The following STK24 variants were observed in gnomAD, a reference collection of about 807,000 sequenced individuals.
The protein encoded by STK24 is serine/threonine-protein kinase 24.
In STK24, 21 loss-of-function variants were observed where a neutral mutation model predicts 55.6. The observed-to-expected ratio is 0.38, with a 90% CI of 0.27 to 0.54. The LOEUF is 0.54. Among genes scored for constraint, STK24 ranks in the 20% least tolerant of loss-of-function variants. The probability of loss-of-function intolerance (pLI) is 0.79; values close to 1 mark genes in which losing one functional copy is unlikely to be tolerated. For synonymous variants in STK24, 200 were observed against 215.2 expected (o/e 0.93, Z 0.62); for missense variants, 383 against 538.4 (o/e 0.71, Z 2.86).
At chr13:98,554,740 C>A (rs1175583770) in intron 1 of STK24, among the ~76,000 whole-genome samples, 1 of 152,158 alleles carries the variant, frequency 6.6e-6, no homozygotes. Context: ...TTAGGCCAGG[C>A]GCGGTGGCTC....
intron 3 of STK24, among the ~76,000 whole-genome samples, chr13:98,481,853 G>C (rs1894594393): frequency 6.6e-6 from 1 of 152,118 alleles, no homozygotes; most frequent in Non-Finnish European, 1.5e-5. Context: ...TTTGAGACCA[G>C]CTTGGCCAAC....
At chr13:98,555,522 TGAGCC>T (rs1897265641) in intron 1 of STK24, among the ~76,000 whole-genome samples, 1 of 150,950 alleles carries the variant, frequency 6.6e-6, no homozygotes, top group Non-Finnish European at 1.5e-5. Flanking sequence ...GAGCTTGCAG[TGAGCC>T]GAGATCGCAC....
intron 1 of STK24, among the ~76,000 whole-genome samples, chr13:98,546,667 C>T (rs1107379): frequency 0.26 from 39,347 of 152,070 alleles, 6,012 homozygotes; most frequent in East Asian, 0.42. Flanking sequence ...ACCCTACAAA[C>T]GCAGGTGGGG....
intron 2 of STK24, among the ~76,000 whole-genome samples, chr13:98,513,173 T>A (rs1471782859): frequency 6.6e-6 from 1 of 152,234 alleles, no homozygotes; most frequent in African/African-American, 2.4e-5. Flanking sequence ...GCCCTTCTCA[T>A]GATGCTGGCA....
intron 1 of STK24, among the ~76,000 whole-genome samples, chr13:98,524,717 A>G (rs533804107): frequency 1.1e-4 from 17 of 152,354 alleles, no homozygotes; most frequent in African/African-American, 4.1e-4. Context: ...CTGCGGGAGA[A>G]AAGTGTCTAT....
At chr13:98,550,471 G>A (rs1221442654) in intron 1 of STK24, among the ~76,000 whole-genome samples, 1 of 152,232 alleles carries the variant, frequency 6.6e-6, no homozygotes, top group African/African-American at 2.4e-5. Context: ...AGAGGCTACA[G>A]TGAGCCATGA....
At chr13:98,521,132 CTACAGTTTTA>C (rs1210025677) in intron 1 of STK24, among the ~76,000 whole-genome samples, 2 of 152,332 alleles carry the variant, frequency 1.3e-5, no homozygotes, top group South Asian at 2.1e-4. Flanking sequence ...ATTACAAGGA[CTACAGTTTTA>C]GCCATGATCC....
chr13:98,476,898 C>T (rs1894397821), intron 3 of STK24, among the ~76,000 whole-genome samples: 1 of 152,252 alleles, frequency 6.6e-6, no homozygotes, highest in Non-Finnish European at 1.5e-5. Context: ...AATCCAGCCA[C>T]CCCTGGCCTT....
intron 2 of STK24, among the ~76,000 whole-genome samples, chr13:98,495,438 A>C (rs1895214194): frequency 1.3e-5 from 2 of 152,280 alleles, no homozygotes; most frequent in African/African-American, 2.4e-5. Flanking sequence ...TTAAATTTGC[A>C]GAATGTGCAT....
intron 1 of STK24, among the ~76,000 whole-genome samples, chr13:98,566,224 T>C (rs1445764402): frequency 1.3e-5 from 2 of 152,166 alleles, no homozygotes; most frequent in African/African-American, 4.8e-5. Context: ...CAATGAAACA[T>C]GAACACACTC....
At chr13:98,466,892 T>G (rs1419319765) in intron 5 of STK24, among the ~76,000 whole-genome samples, 1 of 152,000 alleles carries the variant, frequency 6.6e-6, no homozygotes, top group African/African-American at 2.4e-5. Context: ...GAGTCCGGAG[T>G]GGGTGTACGC....
At chr13:98,571,961 C>A (rs886616889) in intron 1 of STK24, among the ~76,000 whole-genome samples, 1 of 152,208 alleles carries the variant, frequency 6.6e-6, no homozygotes, top group African/African-American at 2.4e-5. Flanking sequence ...AACAGGAGAT[C>A]ATCTGCTCAA....
At chr13:98,560,166 T>C (rs925830233) in intron 1 of STK24, among the ~76,000 whole-genome samples, 11 of 152,324 alleles carry the variant, frequency 7.2e-5, no homozygotes, top group Admixed American at 2.6e-4. Context: ...ACAGTCTCAG[T>C]GCCAACAGGC....
chr13:98,479,797 ACCT>A (rs1342717768), intron 3 of STK24, among the ~76,000 whole-genome samples: 8 of 152,160 alleles, frequency 5.3e-5, no homozygotes, highest in Non-Finnish European at 1.5e-5. Context: ...CTCCCAGCCT[ACCT>A]CCAAAACACC....
Position 98,453,135 on chromosome 13 carries a change from A to G in STK24, c.*38T>C. ...TAAAAAAGGAGGAGGATGAAGAAGG[A>G]AAAAAGGAAAAACAAAACCCCAAAT... is the stretch of plus-strand genomic sequence containing the variant. On this transcript the variant is annotated 3_prime_UTR_variant, in exon 11 of 11. Transcript: ENST00000539966. The G allele has an allele frequency of 6.2e-7, 1 of 1,611,036 alleles. No homozygotes were observed. Among genetic ancestry groups the G allele is most frequent in the Non-Finnish European group, 8.5e-7 (1 of 1,178,012 alleles).
At chr13:98,456,378 A>C (rs1419971065) in intron 10 of STK24, 2 of 422,034 alleles carry the variant, frequency 4.7e-6, no homozygotes, top group Non-Finnish European at 4.9e-6. Context: ...GTCAGCCTGG[A>C]CACCTGAAGA....
chr13:98,544,166 C>A (rs1896971192), intron 1 of STK24, among the ~76,000 whole-genome samples: 1 of 152,220 alleles, frequency 6.6e-6, no homozygotes, highest in African/African-American at 2.4e-5. Context: ...CACCTGAACC[C>A]ACAGATGACA....
chr13:98,501,828 C>T (rs1895475356), intron 2 of STK24, among the ~76,000 whole-genome samples: 1 of 152,158 alleles, frequency 6.6e-6, no homozygotes, highest in East Asian at 1.9e-4. Context: ...CCCAAGGTCC[C>T]CATTTGGCTT....
At chr13:98,487,407 A>G (rs578206019) in intron 2 of STK24, among the ~76,000 whole-genome samples, 10 of 152,362 alleles carry the variant, frequency 6.6e-5, no homozygotes, top group Middle Eastern at 6.8e-3. Flanking sequence ...AAAAGTATTC[A>G]TTTAATTAAT....
Sources: gnomAD v4.1 joint callset for allele counts (sites outside exome capture counted in the v4.1 genomes callset) on GRCh38, gnomAD v4.1.1 for gene constraint, MANE v1.5 for transcripts, NCBI Gene and HGNC (gene_info 2026-07-23, HGNC 2026-07-21) for gene names.